The following EXOC6 variants were observed in gnomAD, a reference collection of about 807,000 sequenced individuals.
The protein encoded by EXOC6 is exocyst complex component 6.
In EXOC6, 60 loss-of-function variants were observed where a neutral mutation model predicts 112.5. The ratio of observed to expected loss-of-function variants is 0.53; its 90% confidence interval spans 0.43 to 0.66. The LOEUF is 0.66. EXOC6 is among the 30% of genes least tolerant of loss of function. EXOC6 has a pLI of 0.00. For synonymous variants in EXOC6, 295 were observed against 308.0 expected, an observed-to-expected ratio of 0.96 and a Z score of 0.44; for missense variants, 855 against 957.1, an observed-to-expected ratio of 0.89 and a Z score of 1.41.
At chr10:92,884,951 T>G (rs769385930) in intron 1 of EXOC6, among the ~76,000 whole-genome samples, 9 of 152,180 alleles carry the variant, frequency 5.9e-5, no homozygotes, top group Non-Finnish European at 1.2e-4. Context: ...TCCAAAAAAT[T>G]CAAGTGGCCG....
chr10:92,874,101 A>G (rs1483582273), intron 1 of EXOC6, among the ~76,000 whole-genome samples: 1 of 151,966 alleles, frequency 6.6e-6, no homozygotes, highest in African/African-American at 2.4e-5. Flanking sequence ...TTTGGATTCT[A>G]TGTATATACA....
At chr10:92,966,643 A>G (rs1288717527) in intron 17 of EXOC6, among the ~76,000 whole-genome samples, 1 of 150,446 alleles carries the variant, frequency 6.6e-6, no homozygotes, top group African/African-American at 2.5e-5. Context: ...GCTGCATAGT[A>G]TTCCATGATG....
At chr10:92,938,200 G>A (rs548302610) in intron 12 of EXOC6, among the ~76,000 whole-genome samples, 14 of 152,152 alleles carry the variant, frequency 9.2e-5, no homozygotes, top group Non-Finnish European at 1.6e-4. Flanking sequence ...AGGTAATATT[G>A]GCACTGTAAA....
At chr10:92,913,569 T>C (rs186160390) in intron 6 of EXOC6, among the ~76,000 whole-genome samples, 55 of 152,366 alleles carry the variant, frequency 3.6e-4, no homozygotes, top group African/African-American at 1.3e-3. Flanking sequence ...TTCACATTTC[T>C]CGGTCTGATG....
At chr10:93,039,924 G>A (rs2134326454) in intron 20 of EXOC6, among the ~76,000 whole-genome samples, 1 of 152,276 alleles carries the variant, frequency 6.6e-6, no homozygotes, top group African/African-American at 2.4e-5. Flanking sequence ...CTAGTGGCAG[G>A]ATGCATTCTT....
intron 18 of EXOC6, among the ~76,000 whole-genome samples, chr10:92,997,226 C>G (rs1843533896): frequency 6.6e-6 from 1 of 151,878 alleles, no homozygotes; most frequent in Non-Finnish European, 1.5e-5. Context: ...TTTAATTTTC[C>G]TTTGTGCAGT....
chr10:92,964,671 A>T (rs1841973413), intron 17 of EXOC6, among the ~76,000 whole-genome samples: 1 of 152,204 alleles, frequency 6.6e-6, no homozygotes, highest in Admixed American at 6.5e-5. Context: ...CAGAAAATTG[A>T]CAGGAACTGA....
intron 18 of EXOC6, among the ~76,000 whole-genome samples, chr10:92,984,954 G>T (rs1352733589): frequency 3.3e-5 from 5 of 151,938 alleles, no homozygotes; most frequent in Non-Finnish European, 7.4e-5. Context: ...AGCCATGATT[G>T]CATCACTGCA....
intron 1 of EXOC6, among the ~76,000 whole-genome samples, chr10:92,867,806 C>A (rs1045611386): frequency 2.6e-5 from 4 of 152,078 alleles, no homozygotes; most frequent in African/African-American, 7.2e-5. Flanking sequence ...ATCCACAGGG[C>A]AGTAATCAAT....
intron 8 of EXOC6, among the ~76,000 whole-genome samples, chr10:92,924,256 A>G (rs1851587772): frequency 6.6e-6 from 1 of 152,212 alleles, no homozygotes; most frequent in African/African-American, 2.4e-5. Context: ...AAATGTAAAC[A>G]ATGATTTTGA....
chr10:92,848,721 GC>G, intron 1 of EXOC6, 87 bp downstream of exon 1: 1 of 1,079,548 alleles, frequency 9.3e-7, no homozygotes, highest in Non-Finnish European at 1.2e-6. Flanking sequence ...GCCGCCGGCC[GC>G]GCGCGAAGCT....
chr10:92,951,638 T>A (rs186444048), intron 14 of EXOC6, among the ~76,000 whole-genome samples: 139 of 152,298 alleles, frequency 9.1e-4, no homozygotes, highest in South Asian at 2.1e-3. Context: ...AGGGTTTTTT[T>A]AATAACAATC....
At position 92,954,645 on chromosome 10, in the gene EXOC6, C is replaced by T. The variant is rs146699258; in HGVS notation, c.1542C>T (p.Asp514=). ...ESLHRSSTEI[D]DMLRKSTNLL... is the part of the protein sequence containing the mutation. Reference sequence around the variant, plus strand: ...TTGTTTTTAGCTCAACAGAAATAGACGATATGCTTAGAAAATCAACAAATC... The same window carrying T: ...TTGTTTTTAGCTCAACAGAAATAGATGATATGCTTAGAAAATCAACAAATC... The change falls in exon 16 of 22, where the codon GAC becomes GAT. Residue 514 remains aspartate, a synonymous_variant. Coordinates refer to ENST00000260762, the MANE Select transcript of EXOC6 (RefSeq NM_019053.6). The T allele has an allele frequency of 9.7e-4, 1,543 of 1,588,412 alleles. 2 individuals are homozygous for T. Among genetic ancestry groups the T allele is most frequent in the Non-Finnish European group, 1.2e-3 (1,437 of 1,159,824 alleles).
At position 92,861,793 on chromosome 10, in the gene EXOC6, A is replaced by G. The variant is rs142368745; in HGVS notation, c.101+13159A>G. Among the ~76,000 whole-genome samples the G allele has an allele frequency of 9.2e-5, 14 of 152,284 alleles. No homozygotes were observed. The East Asian group carries it at 2.7e-3, about 29-fold the overall frequency. ...GGATAAATGTTTCTTCTTTTCCTGTATGCTCTTAGGACAATTTTCAGAAAT... is the reference window on the plus strand; with the variant it reads ...GGATAAATGTTTCTTCTTTTCCTGTGTGCTCTTAGGACAATTTTCAGAAAT... On this transcript the variant is annotated intron_variant, in intron 1 of 21. Coordinates refer to ENST00000260762, the MANE Select transcript of EXOC6 (RefSeq NM_019053.6).
intron 1 of EXOC6, among the ~76,000 whole-genome samples, chr10:92,851,329 G>A (rs2133627698): frequency 6.6e-6 from 1 of 152,286 alleles, no homozygotes; most frequent in Middle Eastern, 3.4e-3. Context: ...ACCTTTAGGG[G>A]TAGAAAAGGA....
chr10:92,851,664 A>C (rs1034298652), intron 1 of EXOC6, among the ~76,000 whole-genome samples: 2 of 151,636 alleles, frequency 1.3e-5, no homozygotes, highest in African/African-American at 4.9e-5. Flanking sequence ...AAACAAAAAC[A>C]AAAACAAACA....
At chr10:92,999,074 A>G (rs1041149070) in intron 19 of EXOC6, among the ~76,000 whole-genome samples, 11 of 151,900 alleles carry the variant, frequency 7.2e-5, no homozygotes, top group African/African-American at 2.2e-4. Flanking sequence ...CTTTTGCCAC[A>G]TTGGTCAGGC....
At chr10:92,834,540 C>T (rs189626454), upstream of EXOC6, among the ~76,000 whole-genome samples, 36 of 152,268 alleles carry the variant, frequency 2.4e-4, no homozygotes, top group Admixed American at 1.7e-3. Context: ...AGGACAGCAA[C>T]AGCTGTGCAA....
chr10:93,001,699 C>T (rs1843763807), intron 19 of EXOC6, among the ~76,000 whole-genome samples: 2 of 152,144 alleles, frequency 1.3e-5, no homozygotes, highest in African/African-American at 2.4e-5. Flanking sequence ...CCATTTTTCT[C>T]CTCAGTTGGG....
Sources: allele counts gnomAD v4.1 joint callset (sites outside exome capture counted in the v4.1 genomes callset), GRCh38; gene constraint gnomAD v4.1.1; transcripts MANE v1.5; gene names NCBI Gene and HGNC (gene_info 2026-07-23, HGNC 2026-07-21).